MTCL2: variants seen among roughly 807,000 people sequenced by gnomAD.
MTCL2 encodes the protein microtubule cross-linking factor 2.
chr20:36,856,732 G>C, the MTCL2 span, among the ~76,000 whole-genome samples: 3 of 152,264 alleles, frequency 2.0e-5, no homozygotes, highest in African/African-American at 7.2e-5. Flanking sequence ...CAGCCTTGTA[G>C]AAGTAAGTCT....
At chr20:36,862,379 C>T in the MTCL2 span, among the ~76,000 whole-genome samples, 10 of 152,344 alleles carry the variant, frequency 6.6e-5, no homozygotes, top group Admixed American at 3.9e-4. Context: ...TCAGCAACGC[C>T]TCCCAGAACG....
chr20:36,777,862 G>GT, the MTCL2 span: 3 of 625,584 alleles, frequency 4.8e-6, no homozygotes, highest in Non-Finnish European at 2.8e-6. Flanking sequence ...GGTTGGAGCT[G>GT]TTTTTTGGCA....
At chr20:36,846,109 G>A in the MTCL2 span, among the ~76,000 whole-genome samples, 2 of 152,090 alleles carry the variant, frequency 1.3e-5, no homozygotes, top group African/African-American at 4.8e-5. Context: ...GGGAGGCTGA[G>A]GCAAGAGAAT....
chr20:36,816,243 T>G, the MTCL2 span: 1 of 1,611,944 alleles, frequency 6.2e-7, no homozygotes, highest in Admixed American at 1.7e-5. Context: ...AGTGAGCTTC[T>G]TGCACATGAG....
chr20:36,828,967 CG>C, the MTCL2 span: 1 of 1,392,400 alleles, frequency 7.2e-7, no homozygotes. Context: ...TTCCCACAAG[CG>C]GGGGCTCACA....
At chr20:36,803,211 C>A in the MTCL2 span, 2 of 1,454,306 alleles carry the variant, frequency 1.4e-6, no homozygotes, top group East Asian at 2.5e-5. Flanking sequence ...GGGAGAGGTC[C>A]CCTCAGAAGA....
At chr20:36,816,055 G>A in the MTCL2 span, 12 of 1,613,504 alleles carry the variant, frequency 7.4e-6, no homozygotes, top group Middle Eastern at 1.6e-4. Flanking sequence ...TCCACGATGC[G>A]GCGGCTCAGC....
the MTCL2 span, chr20:36,829,202 T>A: frequency 1.9e-6 from 3 of 1,609,980 alleles, no homozygotes; most frequent in Admixed American, 1.7e-5. Context: ...CATGGAGATG[T>A]CCTTAGAGAC....
chr20:36,804,583 T>C, the MTCL2 span, among the ~76,000 whole-genome samples: 2 of 152,198 alleles, frequency 1.3e-5, no homozygotes, highest in Non-Finnish European at 2.9e-5. Flanking sequence ...TGTGTGACTT[T>C]AGGCAAGTCT....
At chr20:36,813,685 G>A in the MTCL2 span, among the ~76,000 whole-genome samples, 5 of 147,464 alleles carry the variant, frequency 3.4e-5, no homozygotes, top group South Asian at 2.2e-4. Flanking sequence ...GACAGGAGGC[G>A]GAGGTTGCAG....
the MTCL2 span, among the ~76,000 whole-genome samples, chr20:36,799,868 C>T: frequency 6.6e-6 from 1 of 152,174 alleles, no homozygotes. Flanking sequence ...ACTTTATTTC[C>T]ATAGCTGCCT....
the MTCL2 span, chr20:36,812,704 C>A: frequency 6.2e-7 from 1 of 1,613,942 alleles, no homozygotes; most frequent in Non-Finnish European, 8.5e-7. Flanking sequence ...CTAGACCCAC[C>A]TCAGAGGCAT....
the MTCL2 span, among the ~76,000 whole-genome samples, chr20:36,810,737 T>TCTCTCTCTCTCC: frequency 1.3e-5 from 2 of 149,404 alleles, no homozygotes; most frequent in East Asian, 4.0e-4. Flanking sequence ...TCTCTCTCTC[T>TCTCTCTCTCTCC]CTCTCTCTCT....
the MTCL2 span, among the ~76,000 whole-genome samples, chr20:36,841,874 G>GGTGTGTGT: frequency 6.0e-3 from 662 of 110,836 alleles, 9 homozygotes; most frequent in African/African-American, 0.015. Flanking sequence ...TGGGGGGTGG[G>GGTGTGTGT]GTGTGTGTGT....
chr20:36,859,922 GCTCTGGGACCCA>G, the MTCL2 span: 1 of 1,230,762 alleles, frequency 8.1e-7, no homozygotes, highest in Non-Finnish European at 1.0e-6. Context: ...TAGCGACCCT[GCTCTGGGACCCA>G]CTCTGGCCAC....
At chr20:36,796,902 A>G in the MTCL2 span, 1 of 1,614,002 alleles carries the variant, frequency 6.2e-7, no homozygotes, top group Non-Finnish European at 8.5e-7. Context: ...CATTTCCTCC[A>G]AGCTCAACTT....
the MTCL2 span, among the ~76,000 whole-genome samples, chr20:36,803,675 G>T: frequency 6.6e-6 from 1 of 152,050 alleles, no homozygotes; most frequent in Non-Finnish European, 1.5e-5. Context: ...TGGAATTGGG[G>T]CCGGGAGTGG....
chr20:36,792,155 A>G, the MTCL2 span, among the ~76,000 whole-genome samples: 1 of 152,076 alleles, frequency 6.6e-6, no homozygotes, highest in Non-Finnish European at 1.5e-5. Flanking sequence ...GTGTTTACCA[A>G]TTTTTATGCT....
the MTCL2 span, chr20:36,784,855 G>A: frequency 1.0e-6 from 1 of 985,472 alleles, no homozygotes; most frequent in Non-Finnish European, 1.2e-6. Flanking sequence ...GAGACACTCA[G>A]GTTTATGTGC....
Sources: allele counts gnomAD v4.1 joint callset (sites outside exome capture counted in the v4.1 genomes callset), GRCh38; gene constraint gnomAD v4.1.1; transcripts MANE v1.5; gene names NCBI Gene and HGNC (gene_info 2026-07-23, HGNC 2026-07-21).